The following CADPS2 variants were observed in gnomAD, a reference collection of about 807,000 sequenced individuals.
The protein encoded by CADPS2 is calcium-dependent secretion activator 2.
CADPS2 carries 93 observed loss-of-function variants against 172.5 expected under a neutral mutation model. The observed-to-expected ratio is 0.54, with a 90% confidence interval of 0.46 to 0.64. The LOEUF (loss-of-function observed/expected upper bound fraction) is 0.64. Ranked by LOEUF, CADPS2 falls within the 30% of genes least tolerant of loss-of-function variation. The pLI is 0.00. For missense variants in CADPS2, 1,420 were observed against 1,565.9 expected (o/e 0.91, Z 1.57); for synonymous variants, 546 against 555.2 (o/e 0.98, Z 0.23).
At chr7:122,344,359 T>C (rs1186055909) in intron 28 of CADPS2, among the ~76,000 whole-genome samples, 1 of 152,020 alleles carries the variant, frequency 6.6e-6, no homozygotes, top group East Asian at 1.9e-4. Context: ...CAAAGTATCA[T>C]TTCCTTTGAA....
intron 1 of CADPS2, among the ~76,000 whole-genome samples, chr7:122,822,247 T>G (rs1803526375): frequency 6.6e-6 from 1 of 151,924 alleles, no homozygotes; most frequent in African/African-American, 2.4e-5. Context: ...TTATACCTGT[T>G]TTTCTCCTTC....
At chr7:122,691,134 C>T (rs910049197) in intron 2 of CADPS2, among the ~76,000 whole-genome samples, 15 of 152,200 alleles carry the variant, frequency 9.9e-5, no homozygotes, top group African/African-American at 2.7e-4. Context: ...CGTCCTTATC[C>T]GGGGAGTCAC....
chr7:122,615,248 C>T lies in CADPS2; in HGVS notation c.1156G>A (p.Val386Ile). The change falls in exon 6 of 30, where the codon GTT (valine) becomes ATT (isoleucine). Residue 386 changes from valine to isoleucine, a missense_variant. Val to Ile is a conservative substitution (Grantham distance 29, BLOSUM62 3). Coordinates refer to ENST00000449022, the MANE Select transcript of CADPS2 (RefSeq NM_017954.11). The stretch of plus-strand genomic sequence containing the variant: ...CCTTCCACTTCCATTGTACAGTAAA[C>T]AATTCGATTGGGAGCAACTGACTTC... ...GLKSVAPNRIVYCTMEVEGEK... is the reference protein window; with the variant it reads ...GLKSVAPNRIIYCTMEVEGEK... 6.4e-7 allele frequency: 1 copy of T among 1,558,432 alleles called. No homozygotes were observed. The highest frequency in any genetic ancestry group is 8.7e-7 in the Non-Finnish European group (1 of 1,148,956).
Position 122,702,027 on chromosome 7 carries a change from G to A in CADPS2, c.453+34928C>T, listed in dbSNP as rs200113037. 86 of 1,613,452 alleles carry A rather than the reference G, an allele frequency of 5.3e-5. 1 individual carries two copies. Among genetic ancestry groups the A allele is most frequent in the South Asian group, 7.7e-5 (7 of 91,088 alleles). On this transcript the variant is annotated intron_variant, in intron 2 of 29. Transcript: ENST00000449022. ...TCCTCATCCCCTTCTTTGAGAACTC[G>A]CAGTTGAAGCTGGTCAATAGCTTTC... is the stretch of plus-strand genomic sequence containing the variant.
chr7:122,628,866 T>C (rs950882095), intron 4 of CADPS2, among the ~76,000 whole-genome samples: 1 of 151,140 alleles, frequency 6.6e-6, no homozygotes, highest in African/African-American at 2.4e-5. Flanking sequence ...CCAATAACTT[T>C]ACTGTATACT....
rs117411397 is a variant in CADPS2, at chr7:122,328,683, G to A, written c.3613-3102C>T. 3.7e-3 allele frequency: 562 copies of A among 152,198 alleles called. 4 individuals are homozygous for A. The highest frequency in any genetic ancestry group is 6.5e-3 in the Non-Finnish European group (445 of 68,008). The allele number at this position is 152,198 out of a possible 1,614,324, so 9.4% of individuals were successfully genotyped here. A position where few individuals can be genotyped will look rare whatever the true frequency, so the allele number is the denominator to read the frequency against. ...TCATTCAACTCCTGTAAGGGCATGC[G>A]TTACTCACTGCATTTTCTTGAGATA... On this transcript the variant is annotated intron_variant, in intron 28 of 29. Transcript: ENST00000449022.
chr7:122,732,442 G>A (rs889737701), intron 2 of CADPS2, among the ~76,000 whole-genome samples: 1 of 150,844 alleles, frequency 6.6e-6, no homozygotes, highest in South Asian at 2.1e-4. Flanking sequence ...TCATAAAGCT[G>A]AGAGAGAAAA....
In CADPS2 at chr7:122,319,337, AAC is replaced by A. The variant is rs1198817359; in HGVS notation, c.*826_*827del. The A allele has an allele frequency of 6.6e-6, 1 of 152,232 alleles. No homozygotes were observed. The highest frequency in any genetic ancestry group is 1.5e-5 in the Non-Finnish European group (1 of 68,050). The allele number at this position is 152,232 out of a possible 1,614,324, so 9.4% of individuals were successfully genotyped here. On this transcript the variant is annotated 3_prime_UTR_variant, in exon 30 of 30. Coordinates refer to ENST00000449022, the MANE Select transcript of CADPS2 (RefSeq NM_017954.11). The stretch of plus-strand genomic sequence containing the variant: ...AGAGTCAGATAGTTGGGATGTTTGA[AAC>A]ACTGCAAACCTCTTTTACTGCATTT...
chr7:122,816,352 T>C (rs997539519), intron 1 of CADPS2, among the ~76,000 whole-genome samples: 2 of 152,228 alleles, frequency 1.3e-5, no homozygotes, highest in Non-Finnish European at 2.9e-5. Flanking sequence ...GCCATCTGGG[T>C]TGTTGCAAAT....
intron 14 of CADPS2, among the ~76,000 whole-genome samples, chr7:122,455,254 A>G (rs1238166125): frequency 1.3e-5 from 2 of 152,060 alleles, no homozygotes; most frequent in East Asian, 3.9e-4. Context: ...ACACAAAATC[A>G]TATATGCACA....
intron 1 of CADPS2, among the ~76,000 whole-genome samples, chr7:122,822,424 C>A (rs1297546150): frequency 2.0e-5 from 3 of 152,052 alleles, no homozygotes; most frequent in Non-Finnish European, 2.9e-5. Flanking sequence ...CGCCCCTAAT[C>A]CTGCTTGAAG....
chr7:122,351,364 C>G (rs1375154014), intron 27 of CADPS2, among the ~76,000 whole-genome samples: 1 of 29,004 alleles, frequency 3.4e-5, no homozygotes. Flanking sequence ...CAGAGCGAGA[C>G]TCCGTCTCAA....
intron 19 of CADPS2, among the ~76,000 whole-genome samples, chr7:122,409,322 A>G (rs373476432): frequency 1.3e-5 from 2 of 152,350 alleles, no homozygotes; most frequent in Admixed American, 6.5e-5. Context: ...TTCACAGCCA[A>G]TATCTTTGCA....
chr7:122,806,298 A>G (rs1384927586), intron 1 of CADPS2, among the ~76,000 whole-genome samples: 1 of 152,216 alleles, frequency 6.6e-6, no homozygotes, highest in Non-Finnish European at 1.5e-5. Context: ...ACAATGAAAT[A>G]AAAGTGTTTA....
At chr7:122,706,770 A>G (rs551694561) in intron 2 of CADPS2, among the ~76,000 whole-genome samples, 101 of 147,428 alleles carry the variant, frequency 6.9e-4, no homozygotes, top group African/African-American at 2.2e-3. Flanking sequence ...TATAAAATGT[A>G]TGTGTGTGTG....
At chr7:122,480,979 T>C (rs1036223609) in intron 11 of CADPS2, 119 bp from the exon 12 acceptor site, 1 of 909,798 alleles carries the variant, frequency 1.1e-6, no homozygotes, top group Non-Finnish European at 1.5e-6. Flanking sequence ...ATTTTAAAAG[T>C]TGTTTTTCTA....
At chr7:122,633,190 C>A (rs946358813) in intron 3 of CADPS2, among the ~76,000 whole-genome samples, 1 of 151,920 alleles carries the variant, frequency 6.6e-6, no homozygotes, top group African/African-American at 2.4e-5. Context: ...CTTTTAGGTT[C>A]CATGTGAATT....
intron 29 of CADPS2, among the ~76,000 whole-genome samples, chr7:122,321,184 T>C (rs1425847214): frequency 6.6e-6 from 1 of 152,204 alleles, no homozygotes; most frequent in African/African-American, 2.4e-5. Context: ...GATTGACTGA[T>C]TGAGACAGGT....
At chr7:122,372,593 GATGTAGCAA>G (rs2041900169) in intron 25 of CADPS2, among the ~76,000 whole-genome samples, 1 of 152,180 alleles carries the variant, frequency 6.6e-6, no homozygotes, top group Non-Finnish European at 1.5e-5. Context: ...TTTTTATCCA[GATGTAGCAA>G]ATATATTTGT....
Sources: gnomAD v4.1 joint callset for allele counts (sites outside exome capture counted in the v4.1 genomes callset) on GRCh38, gnomAD v4.1.1 for gene constraint, MANE v1.5 for transcripts, NCBI Gene and HGNC (gene_info 2026-07-23, HGNC 2026-07-21) for gene names.